Variants in ZBTB7C observed in about 807,000 individuals in gnomAD.
ZBTB7C encodes zinc finger and BTB domain containing 7C, also known as zinc finger and BTB domain-containing protein 7C.
ZBTB7C carries 8 observed loss-of-function variants against 25.7 expected under a neutral mutation model. That is an observed-to-expected ratio of 0.31 (90% CI 0.18 to 0.56). The LOEUF (loss-of-function observed/expected upper bound fraction) is 0.56. ZBTB7C is among the 20% of genes least tolerant of loss of function. The pLI is 0.91. For missense variants in ZBTB7C, 824 were observed against 855.2 expected, an observed-to-expected ratio of 0.96 and a Z score of 0.46; for synonymous variants, 394 against 369.0, an observed-to-expected ratio of 1.07 and a Z score of -0.78.
intron 2 of ZBTB7C, among the ~76,000 whole-genome samples, chr18:48,213,303 A>G (rs1294189958): frequency 6.6e-6 from 1 of 152,200 alleles, no homozygotes; most frequent in African/African-American, 2.4e-5. Flanking sequence ...TCTGTCCGCA[A>G]ACCCTCCAGT....
At chr18:48,055,814 C>T (rs535102976) in intron 3 of ZBTB7C, among the ~76,000 whole-genome samples, 42 of 152,154 alleles carry the variant, frequency 2.8e-4, no homozygotes, top group Non-Finnish European at 5.0e-4. Flanking sequence ...TCTTGCTCTG[C>T]GATTTTTGGT....
At chr18:48,258,996 G>A (rs1042807476) in intron 2 of ZBTB7C, among the ~76,000 whole-genome samples, 2 of 149,070 alleles carry the variant, frequency 1.3e-5, no homozygotes, top group Non-Finnish European at 3.0e-5. Context: ...GTTGCCCAGG[G>A]TGGAGTGCAG....
intron 3 of ZBTB7C, among the ~76,000 whole-genome samples, chr18:48,062,368 G>A (rs2037160088): frequency 6.6e-6 from 1 of 152,020 alleles, no homozygotes; most frequent in East Asian, 1.9e-4. Flanking sequence ...AGTCACGCTT[G>A]ATTTTCATGC....
intron 3 of ZBTB7C, among the ~76,000 whole-genome samples, chr18:48,116,006 A>T (rs1256538795): frequency 1.3e-5 from 2 of 152,066 alleles, no homozygotes; most frequent in Non-Finnish European, 2.9e-5. Context: ...ACAGGAGTTT[A>T]TGTTATTATC....
intron 3 of ZBTB7C, among the ~76,000 whole-genome samples, chr18:48,091,238 ATTTTTTTTT>A (rs35051690): frequency 1.7e-4 from 11 of 64,670 alleles, no homozygotes; most frequent in African/African-American, 6.1e-4. Context: ...TGCCCGGATA[ATTTTTTTTT>A]TTTTTTTTTT....
chr18:48,384,967 C>G (rs889233465), intron 1 of ZBTB7C, among the ~76,000 whole-genome samples: 3 of 152,236 alleles, frequency 2.0e-5, no homozygotes, highest in African/African-American at 7.2e-5. Context: ...CAGGCATGAG[C>G]CACCACGCCC....
chr18:48,250,763 TGATC>T (rs2043827393), intron 2 of ZBTB7C, among the ~76,000 whole-genome samples: 1 of 150,806 alleles, frequency 6.6e-6, no homozygotes. Context: ...CAGGATCTAA[TGATC>T]TTGAAACAAT....
intron 3 of ZBTB7C, among the ~76,000 whole-genome samples, chr18:48,121,158 A>G (rs1293933028): frequency 6.6e-6 from 1 of 152,182 alleles, no homozygotes; most frequent in East Asian, 1.9e-4. Flanking sequence ...TCCCTCGAAG[A>G]CAGAGATCCA....
At chr18:48,318,022 C>T (rs1480909279) in intron 2 of ZBTB7C, among the ~76,000 whole-genome samples, 2 of 149,616 alleles carry the variant, frequency 1.3e-5, no homozygotes, top group African/African-American at 2.4e-5. Context: ...GAGGCGCATG[C>T]GCACTAGCTA....
intron 3 of ZBTB7C, among the ~76,000 whole-genome samples, chr18:48,107,282 G>GAGGA (rs745620242): frequency 6.6e-5 from 10 of 151,558 alleles, no homozygotes; most frequent in South Asian, 2.1e-4. Context: ...AGCAGGGGTA[G>GAGGA]AGGAAGATTG....
intron 3 of ZBTB7C, among the ~76,000 whole-genome samples, chr18:48,057,995 G>A (rs1338100659): frequency 6.6e-6 from 1 of 152,222 alleles, no homozygotes; most frequent in East Asian, 1.9e-4. Flanking sequence ...GGGTTCTCCA[G>A]TGATGGAAGA....
At chr18:48,357,174 G>T (rs531024512) in intron 1 of ZBTB7C, among the ~76,000 whole-genome samples, 4 of 152,246 alleles carry the variant, frequency 2.6e-5, no homozygotes, top group Non-Finnish European at 5.9e-5. Flanking sequence ...TCCCAGAGGG[G>T]TGAGAGAACA....
chr18:48,275,384 T>C (rs1364595395), intron 2 of ZBTB7C, among the ~76,000 whole-genome samples: 1 of 152,208 alleles, frequency 6.6e-6, no homozygotes, highest in East Asian at 1.9e-4. Flanking sequence ...TCAATTATCA[T>C]AGAACCTCAG....
At chr18:48,255,646 A>T (rs2044000220) in intron 2 of ZBTB7C, among the ~76,000 whole-genome samples, 1 of 152,320 alleles carries the variant, frequency 6.6e-6, no homozygotes, top group South Asian at 2.1e-4. Context: ...CTTTGAAATG[A>T]CCAATCTACT....
At chr18:48,278,264 AG>A (rs2044727444) in intron 2 of ZBTB7C, among the ~76,000 whole-genome samples, 1 of 152,122 alleles carries the variant, frequency 6.6e-6, no homozygotes, top group South Asian at 2.1e-4. Flanking sequence ...CCAGAGAATG[AG>A]GGGCCATGCA....
At chr18:48,195,465 T>C (rs1001366971) in intron 2 of ZBTB7C, among the ~76,000 whole-genome samples, 1 of 152,238 alleles carries the variant, frequency 6.6e-6, no homozygotes, top group Non-Finnish European at 1.5e-5. Flanking sequence ...CCTGCCGCCA[T>C]GTAAGACATG....
At chr18:48,070,385 G>A (rs139732407) in intron 3 of ZBTB7C, among the ~76,000 whole-genome samples, 1 of 152,324 alleles carries the variant, frequency 6.6e-6, no homozygotes, top group Non-Finnish European at 1.5e-5. Context: ...AGCTGTGAAA[G>A]TCATTCAGAT....
At chr18:48,399,518 G>A (rs1473005107) in intron 1 of ZBTB7C, among the ~76,000 whole-genome samples, 1 of 152,208 alleles carries the variant, frequency 6.6e-6, no homozygotes, top group East Asian at 1.9e-4. Context: ...CGTGGCTGCA[G>A]AAGGACTGGC....
At chr18:48,384,818 T>C (rs2047709816) in intron 1 of ZBTB7C, among the ~76,000 whole-genome samples, 1 of 151,896 alleles carries the variant, frequency 6.6e-6, no homozygotes, top group Admixed American at 6.6e-5. Flanking sequence ...AATAGCCAGG[T>C]TTACAGGCAT....
Sources: allele counts gnomAD v4.1 joint callset (sites outside exome capture counted in the v4.1 genomes callset), GRCh38; gene constraint gnomAD v4.1.1; transcripts MANE v1.5; gene names NCBI Gene and HGNC (gene_info 2026-07-23, HGNC 2026-07-21).